CCDC88C: variants seen among roughly 807,000 people sequenced by gnomAD.
The protein encoded by CCDC88C is coiled-coil and HOOK domain protein 88C.
CCDC88C carries 131 observed loss-of-function variants against 198.8 expected under a neutral mutation model. The ratio of observed to expected loss-of-function variants is 0.66; its 90% CI spans 0.57 to 0.76. CCDC88C has a LOEUF of 0.76. Ranked by LOEUF, CCDC88C falls within the 30% of genes least tolerant of loss-of-function variation. The probability of loss-of-function intolerance (pLI) is 0.00; values close to 1 mark genes in which losing one functional copy is unlikely to be tolerated. For missense variants in CCDC88C, 2,553 were observed against 2,631.6 expected (o/e 0.97, Z 0.65); for synonymous variants, 1,166 against 1,114.7 (o/e 1.05, Z -0.92).
intron 4 of CCDC88C, among the ~76,000 whole-genome samples, chr14:91,348,926 T>A (rs989302812): frequency 6.6e-6 from 1 of 151,916 alleles, no homozygotes; most frequent in Admixed American, 6.6e-5. Context: ...TCCTACAAAA[T>A]TTTTTTTTAA....
At chr14:91,386,166 G>T (rs1347773398) in intron 3 of CCDC88C, among the ~76,000 whole-genome samples, 1 of 151,614 alleles carries the variant, frequency 6.6e-6, no homozygotes, top group African/African-American at 2.4e-5. Flanking sequence ...AGAGCAGGCC[G>T]GGCGCGGTGG....
chr14:91,407,100 G>A (rs1001379456), intron 3 of CCDC88C, among the ~76,000 whole-genome samples: 1 of 152,090 alleles, frequency 6.6e-6, no homozygotes, highest in Non-Finnish European at 1.5e-5. Flanking sequence ...CCACCCAACA[G>A]GAGGAGGACG....
In CCDC88C at chr14:91,416,729, G is replaced by A. The variant is rs761833513; in HGVS notation, c.161+9C>T. On this transcript the variant is annotated intron_variant, in intron 2 of 29. Coordinates refer to ENST00000389857, the MANE Select transcript of CCDC88C (RefSeq NM_001080414.4). ...ATTCTTTCCTTCCTCCGAGAAGAAG[G>A]TAACTTACATTTGCAGCATAATTTG... is the stretch of plus-strand genomic sequence containing the variant. 1 of 1,579,412 alleles carries A rather than the reference G, an allele frequency of 6.3e-7. No individual in the cohort carries two copies. Among genetic ancestry groups the A allele is most frequent in the South Asian group, 1.1e-5 (1 of 90,046 alleles).
chr14:91,416,673 C>T (rs1887071938), intron 2 of CCDC88C, 65 bp downstream of exon 2: 1 of 1,229,936 alleles, frequency 8.1e-7, no homozygotes, highest in South Asian at 1.3e-5. Context: ...ACCTTCCACT[C>T]CATTTCTACT....
At chr14:91,358,470 G>A (rs1017666530) in intron 4 of CCDC88C, among the ~76,000 whole-genome samples, 3 of 152,196 alleles carry the variant, frequency 2.0e-5, no homozygotes, top group African/African-American at 7.2e-5. Flanking sequence ...CAGAACAAGG[G>A]AAGTCCTAGC....
At chr14:91,411,489 C>G (rs1886784391) in intron 2 of CCDC88C, among the ~76,000 whole-genome samples, 1 of 152,160 alleles carries the variant, frequency 6.6e-6, no homozygotes, top group African/African-American at 2.4e-5. Flanking sequence ...AGTTGTCATT[C>G]AGAACAACAA....
chr14:91,408,658 C>A lies in CCDC88C; in HGVS notation c.270+1G>T. 6.3e-7 allele frequency: 1 copy of A among 1,584,298 alleles called. No homozygotes were observed. The highest frequency in any genetic ancestry group is 8.7e-7 in the Non-Finnish European group (1 of 1,152,958). ...ATTCCCGACAGCAGAACTGCCCTTA[C>A]CTGGTAGTAGGTCTTAATGTTTCTC... On this transcript the variant is annotated splice_donor_variant, in intron 3 of 29. Coordinates refer to ENST00000389857, the MANE Select transcript of CCDC88C (RefSeq NM_001080414.4). LOFTEE classifies it high-confidence loss of function.
intron 2 of CCDC88C, among the ~76,000 whole-genome samples, chr14:91,411,114 C>T (rs774194706): frequency 1.2e-4 from 18 of 152,274 alleles, no homozygotes; most frequent in Non-Finnish European, 2.1e-4. Flanking sequence ...ATTACGACTC[C>T]CTCCTTTAAC....
chr14:91,315,292 G>C (rs1447460642), intron 14 of CCDC88C, among the ~76,000 whole-genome samples: 1 of 152,154 alleles, frequency 6.6e-6, no homozygotes, highest in Non-Finnish European at 1.5e-5. Context: ...AGGGTTCTCA[G>C]CTGGGGCACT....
At chr14:91,280,529 T>C (rs766974736) in intron 27 of CCDC88C, among the ~76,000 whole-genome samples, 1 of 152,232 alleles carries the variant, frequency 6.6e-6, no homozygotes, top group South Asian at 2.1e-4. Context: ...GAAACCGTGA[T>C]AGCGATCAAC....
At chr14:91,289,464 G>C in intron 24 of CCDC88C, 121 bp from the exon 25 acceptor site, 1 of 849,102 alleles carries the variant, frequency 1.2e-6, no homozygotes, top group Non-Finnish European at 2.0e-6. Flanking sequence ...CCACTCACGT[G>C]GGGTTCAGGA....
intron 16 of CCDC88C, among the ~76,000 whole-genome samples, chr14:91,308,889 T>C (rs1203105464): frequency 6.6e-6 from 1 of 152,162 alleles, no homozygotes. Context: ...GTGGATCTTC[T>C]CGGTTACAAG....
Position 91,307,074 on chromosome 14 carries a change from G to T in CCDC88C, c.3159C>A (p.Leu1053=). ...PGHKEATMEL[L]RVKDRAIELE... is the part of the protein sequence containing the mutation. ...GCTCGATGGCCCGGTCCTTCACTCG[G>T]AGAAGCTCCATGGTGGCTTCCTTAT... Residue 1053 remains leucine (L), a synonymous_variant, in exon 18 of 30, where the codon CTC becomes CTA. Transcript: ENST00000389857. 1.2e-6 allele frequency: 2 copies of T among 1,613,712 alleles called. No homozygotes were observed. The highest frequency in any genetic ancestry group is 1.7e-6 in the Non-Finnish European group (2 of 1,179,768).
chr14:91,289,126 G>A lies in CCDC88C; in HGVS notation c.4420C>T (p.His1474Tyr). 2 of 1,612,862 alleles carry A rather than the reference G, an allele frequency of 1.2e-6. No homozygotes were observed. The highest frequency in any genetic ancestry group is 1.7e-6 in the Non-Finnish European group (2 of 1,179,778). The change falls in exon 25 of 30, where the codon CAC (histidine) becomes TAC (tyrosine). Residue 1474 changes from histidine (H) to tyrosine (Y), a missense_variant. Around this residue, in one of 2 missense-constraint regions of CCDC88C, gnomAD observed 1,293 missense variants for 1,219.6 expected, o/e 1.06. Transcript: ENST00000389857. ...GSNCAEERDA[H>Y]NGSVGKGPGD... ...CTACCTTTCCCCACAGACCCGTTGT[G>A]GGCGTCGCGCTCTTCTGCACAGTTG... is the stretch of plus-strand genomic sequence containing the variant.
Position 91,305,852 on chromosome 14 carries a change from G to C in CCDC88C, c.3270C>G (p.Phe1090Leu). 1 of 1,614,008 alleles carries C rather than the reference G, an allele frequency of 6.2e-7. No individual in the cohort carries two copies. Among genetic ancestry groups the C allele is most frequent in the Non-Finnish European group, 8.5e-7 (1 of 1,179,900 alleles). Residue 1090 changes from phenylalanine to leucine, a missense_variant, in exon 19 of 30, where the codon TTC (phenylalanine) becomes TTG (leucine). Phe to Leu is a conservative substitution (Grantham distance 22, BLOSUM62 0). This residue lies in a region of CCDC88C where 1,260 missense variants were observed against 1,412.0 expected (regional missense o/e 0.89). Transcript: ENST00000389857. ...TCTGCAGTGTCAAGATCTGGCTGCT[G>C]AAGGTCACGTTCTGGGTCTCCAGGT... Reference protein sequence around the residue: ...LQHLETQNVTFSSQILTLQKQ... With the variant: ...LQHLETQNVTLSSQILTLQKQ...
intron 19 of CCDC88C, 110 bp from the exon 20 acceptor site, chr14:91,304,088 C>T: frequency 7.9e-7 from 1 of 1,259,052 alleles, no homozygotes; most frequent in Non-Finnish European, 1.1e-6. Flanking sequence ...ACCCTCAGGG[C>T]AGAAGACCCA....
chr14:91,298,893 T>C (rs1421279909), intron 21 of CCDC88C, among the ~76,000 whole-genome samples: 3 of 152,238 alleles, frequency 2.0e-5, no homozygotes, highest in Non-Finnish European at 4.4e-5. Context: ...CCATCCTGAC[T>C]CTGCTATTCA....
chr14:91,413,488 G>A (rs1325623183), intron 2 of CCDC88C, among the ~76,000 whole-genome samples: 1 of 152,126 alleles, frequency 6.6e-6, no homozygotes, highest in Non-Finnish European at 1.5e-5. Flanking sequence ...AATGAAAAAC[G>A]TGTCCAAAGT....
At chr14:91,292,639 CCCA>C (rs955691886) in intron 23 of CCDC88C, among the ~76,000 whole-genome samples, 3 of 152,132 alleles carry the variant, frequency 2.0e-5, no homozygotes, top group African/African-American at 7.2e-5. Context: ...GTGACCACGT[CCCA>C]CCACAAGCAC....
Sources: gnomAD v4.1 joint callset for allele counts (sites outside exome capture counted in the v4.1 genomes callset) on GRCh38, gnomAD v4.1.1 for gene constraint, gnomAD v4.1.1 regional missense constraint, MANE v1.5 for transcripts, NCBI Gene and HGNC (gene_info 2026-07-23, HGNC 2026-07-21) for gene names.